Variants in MIS18A observed in about 807,000 individuals in gnomAD.
MIS18A encodes the protein MIS18 kinetochore protein A.
MIS18A carries 14 observed loss-of-function variants against 25.0 expected under a neutral mutation model. The ratio of observed to expected loss-of-function variants is 0.56; its 90% CI spans 0.37 to 0.88. The LOEUF is 0.88. Among genes scored for constraint, MIS18A ranks in the 40% least tolerant of loss-of-function variants. The pLI, the probability that MIS18A is intolerant of heterozygous loss-of-function variation, is 0.00. For missense variants in MIS18A, 292 were observed against 290.8 expected, an observed-to-expected ratio of 1.00 and a Z score of -0.03; for synonymous variants, 134 against 118.6, an observed-to-expected ratio of 1.13 and a Z score of -0.84.
the MIS18A span, among the ~76,000 whole-genome samples, chr21:32,222,344 G>T: frequency 1.3e-5 from 2 of 152,136 alleles, 1 homozygote; most frequent in South Asian, 4.1e-4. Context: ...ATAACAGTGG[G>T]AGACTTTAGC....
chr21:32,275,857 C>T (rs1164321879), intron 1 of MIS18A, among the ~76,000 whole-genome samples: 1 of 152,188 alleles, frequency 6.6e-6, no homozygotes, highest in Non-Finnish European at 1.5e-5. Context: ...CCCCAAACCA[C>T]CAGCACCACC....
At chr21:32,260,084 C>CTTTTTTTTTTTTTTTTTTTTTTTTTCTTT in the MIS18A span, 1 of 116,980 alleles carries the variant, frequency 8.5e-6, no homozygotes, top group African/African-American at 4.1e-5. Flanking sequence ...TTTTTCTCAG[C>CTTTTTTTTTTTTTTTTTTTTTTTTTCTTT]TTTTTTTTTT....
the MIS18A span, among the ~76,000 whole-genome samples, chr21:32,159,401 C>G: frequency 6.6e-6 from 1 of 151,916 alleles, no homozygotes; most frequent in Non-Finnish European, 1.5e-5. Context: ...GTATTTATAC[C>G]AATAACTCAG....
At chr21:32,174,121 T>G in the MIS18A span, among the ~76,000 whole-genome samples, 1 of 151,822 alleles carries the variant, frequency 6.6e-6, no homozygotes, top group Non-Finnish European at 1.5e-5. Context: ...CCCGCCACCA[T>G]GCCCAGTTAA....
chr21:32,271,393 T>G (rs1419274882), intron 2 of MIS18A, among the ~76,000 whole-genome samples: 2 of 152,214 alleles, frequency 1.3e-5, no homozygotes, highest in African/African-American at 4.8e-5. Context: ...CCATTCCTGC[T>G]ATCAAGCAAA....
At chr21:32,219,679 C>A in the MIS18A span, among the ~76,000 whole-genome samples, 1 of 152,162 alleles carries the variant, frequency 6.6e-6, no homozygotes, top group African/African-American at 2.4e-5. Flanking sequence ...GCGGTCTTTC[C>A]CAGAGGATCC....
downstream of MIS18A, among the ~76,000 whole-genome samples, chr21:32,264,890 G>A (rs534465771): frequency 1.3e-5 from 2 of 152,346 alleles, no homozygotes; most frequent in South Asian, 4.1e-4. Flanking sequence ...GCTTGGAAAT[G>A]TATGAGCATG....
At chr21:32,154,728 G>A in the MIS18A span, among the ~76,000 whole-genome samples, 3 of 151,838 alleles carry the variant, frequency 2.0e-5, no homozygotes, top group South Asian at 2.1e-4. Context: ...AGGTTTTGTC[G>A]CAGGAGAAGT....
chr21:32,161,447 C>T, the MIS18A span, among the ~76,000 whole-genome samples: 1 of 151,884 alleles, frequency 6.6e-6, no homozygotes, highest in African/African-American at 2.4e-5. Context: ...TTTACTTAGG[C>T]AACACAGGGC....
the MIS18A span, among the ~76,000 whole-genome samples, chr21:32,247,847 A>G: frequency 6.6e-6 from 1 of 152,168 alleles, no homozygotes; most frequent in African/African-American, 2.4e-5. Context: ...CAGCCCCTCA[A>G]TCTGTGGTAT....
the MIS18A span, among the ~76,000 whole-genome samples, chr21:32,196,408 T>C: frequency 6.6e-6 from 1 of 151,860 alleles, no homozygotes; most frequent in African/African-American, 2.4e-5. Flanking sequence ...CCCAGCTTGC[T>C]GCCTGCAGAT....
chr21:32,262,927 A>T, the MIS18A span, among the ~76,000 whole-genome samples: 1 of 152,138 alleles, frequency 6.6e-6, no homozygotes, highest in Admixed American at 6.5e-5. Context: ...GGATTTAAAC[A>T]GGTGTGACTA....
At chr21:32,224,377 C>A in the MIS18A span, among the ~76,000 whole-genome samples, 4 of 151,398 alleles carry the variant, frequency 2.6e-5, no homozygotes, top group African/African-American at 9.8e-5. Context: ...ATCTAGAAAA[C>A]CCCATCGTCT....
chr21:32,174,047 T>C, the MIS18A span, among the ~76,000 whole-genome samples: 20 of 138,870 alleles, frequency 1.4e-4, no homozygotes, highest in South Asian at 2.9e-3. Context: ...TCACTGCAAC[T>C]TCCACCTCCC....
the MIS18A span, among the ~76,000 whole-genome samples, chr21:32,188,542 A>G: frequency 2.7e-3 from 411 of 151,798 alleles, 1 homozygote; most frequent in Non-Finnish European, 4.8e-3. Flanking sequence ...CCATGACATC[A>G]AGCGCTGGGT....
At chr21:32,247,096 C>T in the MIS18A span, among the ~76,000 whole-genome samples, 3 of 152,182 alleles carry the variant, frequency 2.0e-5, no homozygotes, top group African/African-American at 4.8e-5. Context: ...TTCACTTTGG[C>T]GCTCTGTCCT....
the MIS18A span, among the ~76,000 whole-genome samples, chr21:32,179,389 C>T: frequency 5.3e-4 from 81 of 152,284 alleles, no homozygotes; most frequent in African/African-American, 1.7e-3. Context: ...TTCAACTTCA[C>T]ACTTTGTGTG....
chr21:32,203,168 T>C, the MIS18A span, among the ~76,000 whole-genome samples: 1 of 141,998 alleles, frequency 7.0e-6, no homozygotes, highest in African/African-American at 2.6e-5. Flanking sequence ...ACTAGAAATA[T>C]AAAACAGAAA....
the MIS18A span, among the ~76,000 whole-genome samples, chr21:32,249,237 C>T: frequency 1.3e-5 from 2 of 152,182 alleles, no homozygotes; most frequent in Non-Finnish European, 2.9e-5. Context: ...ATGCGTTATT[C>T]TCTGACATTT....
Sources: allele counts gnomAD v4.1 joint callset (sites outside exome capture counted in the v4.1 genomes callset), GRCh38; gene constraint gnomAD v4.1.1; transcripts MANE v1.5; gene names NCBI Gene and HGNC (gene_info 2026-07-23, HGNC 2026-07-21).